LIPJ: variants seen among roughly 807,000 people sequenced by gnomAD.
LIPJ encodes the protein lipase family member J.
A neutral mutation model predicts 39.8 loss-of-function variants in LIPJ; 33 were observed. That is an observed-to-expected ratio of 0.83 (90% CI 0.63 to 1.11). LIPJ has a LOEUF of 1.11. Among genes scored for constraint, LIPJ ranks in the 50% least tolerant of loss-of-function variants. The pLI, the probability that LIPJ is intolerant of heterozygous loss-of-function variation, is 0.00. For synonymous variants in LIPJ, 128 were observed against 139.2 expected (o/e 0.92, Z 0.57); for missense variants, 422 against 427.9 (o/e 0.99, Z 0.12).
At chr10:88,585,360 A>G (rs1388640988), upstream of LIPJ, among the ~76,000 whole-genome samples, 1 of 152,096 alleles carries the variant, frequency 6.6e-6, no homozygotes, top group Non-Finnish European at 1.5e-5. Context: ...ATTATCTTCT[A>G]TAGCTTCTTT....
intron 8 of LIPJ, among the ~76,000 whole-genome samples, chr10:88,597,179 G>A (rs762409938): frequency 6.6e-6 from 1 of 151,716 alleles, no homozygotes; most frequent in Non-Finnish European, 1.5e-5. Context: ...AGCAGCTGAT[G>A]TGATGGGTAT....
chr10:88,620,902 G>A, the LIPJ span, among the ~76,000 whole-genome samples: 1 of 152,106 alleles, frequency 6.6e-6, no homozygotes, highest in Non-Finnish European at 1.5e-5. Flanking sequence ...GGTCTGGTGT[G>A]GGCCCACTTC....
chr10:88,608,632 AT>A (rs1564941862), downstream of LIPJ, among the ~76,000 whole-genome samples: 1 of 152,244 alleles, frequency 6.6e-6, no homozygotes, highest in African/African-American at 2.4e-5. Context: ...GCATTGGAGA[AT>A]TAAGTTTTCT....
intron 8 of LIPJ, among the ~76,000 whole-genome samples, chr10:88,599,007 T>TAATAATATATTATATTAA (rs1851368018): frequency 7.0e-6 from 1 of 143,482 alleles, no homozygotes; most frequent in African/African-American, 2.6e-5. Context: ...TATTATATTA[T>TAATAATATATTATATTAA]AATAATATAT....
the LIPJ span, among the ~76,000 whole-genome samples, chr10:88,615,439 G>C: frequency 1.3e-5 from 2 of 151,840 alleles, no homozygotes; most frequent in Non-Finnish European, 2.9e-5. Context: ...TGTAATCCCA[G>C]CTACTTGGGA....
At chr10:88,622,861 A>C in the LIPJ span, among the ~76,000 whole-genome samples, 1 of 152,156 alleles carries the variant, frequency 6.6e-6, no homozygotes. Context: ...GACAGAGAAA[A>C]ATGGTGGAAA....
chr10:88,590,063 AAC>A (rs1043218729), intron 2 of LIPJ, among the ~76,000 whole-genome samples: 7 of 151,608 alleles, frequency 4.6e-5, no homozygotes, highest in African/African-American at 1.7e-4. Flanking sequence ...TTTAAGAAAA[AAC>A]TTAAGAGTTC....
At chr10:88,584,707 C>T (rs1329608283), upstream of LIPJ, among the ~76,000 whole-genome samples, 1 of 152,206 alleles carries the variant, frequency 6.6e-6, no homozygotes, top group Admixed American at 6.5e-5. Flanking sequence ...AAGCTATTCT[C>T]CTGCCTCAGC....
At chr10:88,612,557 T>G in the LIPJ span, among the ~76,000 whole-genome samples, 1 of 152,088 alleles carries the variant, frequency 6.6e-6, no homozygotes, top group Non-Finnish European at 1.5e-5. Context: ...TCCATGCAAA[T>G]GGACACCAAA....
chr10:88,621,014 C>A, the LIPJ span, among the ~76,000 whole-genome samples: 1 of 152,136 alleles, frequency 6.6e-6, no homozygotes, highest in Non-Finnish European at 1.5e-5. Flanking sequence ...TAATCCATTC[C>A]TGAAGATTCT....
At chr10:88,609,264 T>C (rs1364838987), downstream of LIPJ, among the ~76,000 whole-genome samples, 1 of 152,216 alleles carries the variant, frequency 6.6e-6, no homozygotes, top group East Asian at 1.9e-4. Flanking sequence ...AAATAATAAC[T>C]TGCAAAATTA....
upstream of LIPJ, chr10:88,583,008 C>T: frequency 6.4e-7 from 1 of 1,559,872 alleles, no homozygotes; most frequent in African/African-American, 1.4e-5. Flanking sequence ...GGTGCAGGCC[C>T]ACACCACCTC....
At chr10:88,591,971 G>A (rs1451567572) in intron 4 of LIPJ, 1 of 151,894 alleles carries the variant, frequency 6.6e-6, no homozygotes, top group African/African-American at 2.4e-5. Flanking sequence ...AAAATGCACT[G>A]GAATTTGTTA....
At chr10:88,583,936 G>C (rs1274136478), upstream of LIPJ, 7 of 165,716 alleles carry the variant, frequency 4.2e-5, no homozygotes, top group Non-Finnish European at 8.7e-5. Flanking sequence ...AGAAGGATTG[G>C]TGCCATTGCC....
chr10:88,583,249 T>G, upstream of LIPJ: 1 of 1,599,340 alleles, frequency 6.3e-7, no homozygotes, highest in Non-Finnish European at 8.5e-7. Context: ...CGGCCCGGGC[T>G]TTCTGGAAAG....
At chr10:88,597,831 C>T (rs1662533026) in intron 8 of LIPJ, among the ~76,000 whole-genome samples, 1 of 151,862 alleles carries the variant, frequency 6.6e-6, no homozygotes, top group Admixed American at 6.6e-5. Context: ...TAAGCACCTA[C>T]TATGAGGGGC....
downstream of LIPJ, among the ~76,000 whole-genome samples, chr10:88,611,606 A>C (rs147696442): frequency 2.0e-5 from 3 of 152,224 alleles, no homozygotes; most frequent in Non-Finnish European, 4.4e-5. Flanking sequence ...ACACACTTAG[A>C]GAAATGCAAA....
In LIPJ at chr10:88,606,671, C is replaced by T; in HGVS notation, c.868-3C>T. On this transcript the variant is annotated splice_region_variant and splice_polypyrimidine_tract_variant and intron_variant, in intron 10 of 10. Coordinates refer to ENST00000371939, the Ensembl canonical transcript of LIPJ. Reference sequence around the variant, plus strand: ...AACTATTTTTTCACTCATTTATTTTCAGACAACGTCTCCATTATACAACAT... The same window carrying T: ...AACTATTTTTTCACTCATTTATTTTTAGACAACGTCTCCATTATACAACAT... The T allele has an allele frequency of 6.3e-7, 1 of 1,574,964 alleles. No individual in the cohort carries two copies. The highest frequency in any genetic ancestry group is 8.7e-7 in the Non-Finnish European group (1 of 1,149,964).
At chr10:88,613,800 ATGTGTGTGTG>A in the LIPJ span, among the ~76,000 whole-genome samples, 4 of 74,160 alleles carry the variant, frequency 5.4e-5, no homozygotes, top group Non-Finnish European at 5.3e-5. Context: ...ATATATATAT[ATGTGTGTGTG>A]TGTGTGTATA....
Sources: gnomAD v4.1 joint callset for allele counts (sites outside exome capture counted in the v4.1 genomes callset) on GRCh38, gnomAD v4.1.1 for gene constraint, MANE v1.5 for transcripts, NCBI Gene and HGNC (gene_info 2026-07-23, HGNC 2026-07-21) for gene names.